Variants in PLXNA4 observed in about 807,000 individuals in gnomAD.
PLXNA4 encodes the protein plexin-A4.
Under a neutral mutation model 191.8 loss-of-function variants are expected in PLXNA4, and 44 were observed. The observed-to-expected ratio is 0.23, with a 90% confidence interval of 0.18 to 0.29. The LOEUF (loss-of-function observed/expected upper bound fraction) is 0.29. PLXNA4 is among the 10% of genes least tolerant of loss of function. PLXNA4 has a pLI of 1.00. For synonymous variants in PLXNA4, 1,082 were observed against 1,009.5 expected (o/e 1.07, Z -1.36); for missense variants, 1,800 against 2,488.8 (o/e 0.72, Z 5.89).
chr7:132,499,423 T>C (rs2117597595), intron 2 of PLXNA4, among the ~76,000 whole-genome samples: 1 of 152,370 alleles, frequency 6.6e-6, no homozygotes, highest in South Asian at 2.1e-4. Context: ...GCATTGCGAA[T>C]GGTAACAACC....
intron 1 of PLXNA4, among the ~76,000 whole-genome samples, chr7:132,517,960 C>A (rs574560798): frequency 6.6e-6 from 1 of 152,284 alleles, no homozygotes; most frequent in South Asian, 2.1e-4. Context: ...TTCAACATAG[C>A]GTCTTCAGTA....
chr7:132,506,236 T>G (rs565914615), intron 2 of PLXNA4, among the ~76,000 whole-genome samples: 41 of 152,232 alleles, frequency 2.7e-4, no homozygotes, highest in Admixed American at 7.2e-4. Context: ...AGTGATGGCC[T>G]CTCCACACTC....
intron 2 of PLXNA4, among the ~76,000 whole-genome samples, chr7:132,489,729 C>A (rs1199569757): frequency 6.6e-6 from 1 of 152,128 alleles, no homozygotes; most frequent in African/African-American, 2.4e-5. Flanking sequence ...TGTGTCTCTG[C>A]CCCTCATCCA....
At chr7:132,392,036 G>A (rs1585072722) in intron 3 of PLXNA4, among the ~76,000 whole-genome samples, 1 of 152,170 alleles carries the variant, frequency 6.6e-6, no homozygotes, top group East Asian at 1.9e-4. Flanking sequence ...GCTGAGGCAG[G>A]AGAATCACTC....
intron 1 of PLXNA4, among the ~76,000 whole-genome samples, chr7:132,511,930 T>C (rs1179266008): frequency 6.6e-6 from 1 of 152,182 alleles, no homozygotes; most frequent in Admixed American, 6.5e-5. Context: ...AGGTCACACA[T>C]TGAGTTGAAG....
intron 25 of PLXNA4, among the ~76,000 whole-genome samples, chr7:132,153,173 C>T (rs1168375899): frequency 2.6e-5 from 4 of 152,070 alleles, no homozygotes; most frequent in Non-Finnish European, 5.9e-5. Context: ...GATGAGTAGG[C>T]GTTCACTGGC....
At chr7:132,314,613 CTG>C (rs149743851) in intron 3 of PLXNA4, among the ~76,000 whole-genome samples, 1,587 of 152,292 alleles carry the variant, frequency 0.01, 43 homozygotes, top group African/African-American at 0.037. Flanking sequence ...TCAAGAAAAA[CTG>C]AGATTTTACA....
At chr7:132,512,091 AACAGGG>A (rs1034799382) in intron 1 of PLXNA4, among the ~76,000 whole-genome samples, 6 of 152,360 alleles carry the variant, frequency 3.9e-5, no homozygotes, top group Admixed American at 3.3e-4. Flanking sequence ...TCTGCCGGCT[AACAGGG>A]CCCTCAAAAC....
intron 4 of PLXNA4, among the ~76,000 whole-genome samples, chr7:132,248,563 AT>A (rs1460621054): frequency 6.6e-6 from 1 of 152,216 alleles, no homozygotes; most frequent in African/African-American, 2.4e-5. Flanking sequence ...TGTGCTTCAA[AT>A]AGGTCATGCA....
At chr7:132,305,361 A>AACACACACACACACACAC (rs57158164) in intron 3 of PLXNA4, among the ~76,000 whole-genome samples, 46 of 131,172 alleles carry the variant, frequency 3.5e-4, no homozygotes, top group South Asian at 2.7e-3. Flanking sequence ...GCTTACCAAG[A>AACACACACACACACACAC]ACACACACAC....
rs1480963183 is a variant in PLXNA4, at chr7:132,185,348, C to T, written c.3109G>A (p.Val1037Met). Residue 1037 changes from valine (V) to methionine (M), a missense_variant, in exon 16 of 32, where the codon GTG (valine) becomes ATG (methionine). Around this residue, in one of 6 missense-constraint regions of PLXNA4, gnomAD observed 1,397 missense variants for 1,880.4 expected, o/e 0.74. Transcript: ENST00000321063. ...ATCCGCACGATGGTGGGGTCTTCCA[C>T]ATACTGAAAGACCAGGTCCTGGTGG... ...KIHQDLVFQYVEDPTIVRIEP... is the reference protein window; with the variant it reads ...KIHQDLVFQYMEDPTIVRIEP... The T allele has an allele frequency of 1.2e-6, 2 of 1,614,088 alleles. No individual in the cohort carries two copies. The highest frequency in any genetic ancestry group is 2.2e-5 in the East Asian group (1 of 44,886).
chr7:132,387,040 A>G (rs539801932), intron 3 of PLXNA4, among the ~76,000 whole-genome samples: 1 of 152,358 alleles, frequency 6.6e-6, no homozygotes, highest in South Asian at 2.1e-4. Flanking sequence ...TTGCATCAAT[A>G]TCAAGTTGCT....
chr7:132,195,889 G>T (rs1797240883), intron 13 of PLXNA4, among the ~76,000 whole-genome samples: 1 of 152,206 alleles, frequency 6.6e-6, no homozygotes. Flanking sequence ...AAGTATCTGT[G>T]TGTTTAAGTT....
chr7:132,518,550 G>A (rs1252575890), intron 1 of PLXNA4, among the ~76,000 whole-genome samples: 5 of 152,204 alleles, frequency 3.3e-5, no homozygotes. Flanking sequence ...AAAAGATGGG[G>A]AAGAGGGAGC....
intron 14 of PLXNA4, among the ~76,000 whole-genome samples, chr7:132,188,951 GAGGAAAGGAAAGGAAAGGAA>G (rs755898295): frequency 0.13 from 6,740 of 50,120 alleles, 516 homozygotes; most frequent in South Asian, 0.28. Flanking sequence ...CCTTCCCAGA[GAGGAAAGGAAAGGAAAGGAA>G]AGGAAAGGAA....
chr7:132,144,232 T>C (rs770548470), intron 29 of PLXNA4, among the ~76,000 whole-genome samples: 5 of 152,164 alleles, frequency 3.3e-5, no homozygotes, highest in Non-Finnish European at 7.4e-5. Flanking sequence ...TTGCCTCAGG[T>C]AGAGCTCTCA....
intron 3 of PLXNA4, among the ~76,000 whole-genome samples, chr7:132,479,275 A>G (rs62961360): frequency 2.2e-4 from 20 of 89,222 alleles, no homozygotes; most frequent in Middle Eastern, 0.012. Flanking sequence ...TCTCTTTGGG[A>G]AAAAAAAAAA....
chr7:132,424,090 G>A (rs1341743158), intron 3 of PLXNA4, among the ~76,000 whole-genome samples: 1 of 152,118 alleles, frequency 6.6e-6, no homozygotes, highest in African/African-American at 2.4e-5. Flanking sequence ...TTCCCACAGA[G>A]AAGGCTGAGA....
At chr7:132,470,480 A>C (rs1452581541) in intron 3 of PLXNA4, among the ~76,000 whole-genome samples, 1 of 152,234 alleles carries the variant, frequency 6.6e-6, no homozygotes, top group Non-Finnish European at 1.5e-5. Context: ...TTTTAGAGGA[A>C]TCTCCACTTG....
Sources: gnomAD v4.1 joint callset for allele counts (sites outside exome capture counted in the v4.1 genomes callset) on GRCh38, gnomAD v4.1.1 for gene constraint, gnomAD v4.1.1 regional missense constraint, MANE v1.5 for transcripts, NCBI Gene and HGNC (gene_info 2026-07-23, HGNC 2026-07-21) for gene names.